TMEM156: variants seen among roughly 807,000 people sequenced by gnomAD.
The protein encoded by TMEM156 is transmembrane protein 156.
In TMEM156, 28 loss-of-function variants were observed where a neutral mutation model predicts 30.5. That is an observed-to-expected ratio of 0.92 (90% CI 0.68 to 1.26). The LOEUF (loss-of-function observed/expected upper bound fraction) is 1.26. TMEM156 is among the 50% of genes most tolerant of loss of function. The probability of loss-of-function intolerance (pLI) is 0.00; values close to 1 mark genes in which losing one functional copy is unlikely to be tolerated. For missense variants in TMEM156, 351 were observed against 340.6 expected, an observed-to-expected ratio of 1.03 and a Z score of -0.24; for synonymous variants, 137 against 119.9, an observed-to-expected ratio of 1.14 and a Z score of -0.93.
At chr4:38,988,782 G>C in intron 4 of TMEM156, 69 bp downstream of exon 4, 1 of 1,588,928 alleles carries the variant, frequency 6.3e-7, no homozygotes, top group Non-Finnish European at 8.6e-7. Context: ...ATGCTAAATT[G>C]TACTAAAAAG....
At chr4:38,985,908 G>A (rs112850929) in intron 5 of TMEM156, among the ~76,000 whole-genome samples, 16 of 152,256 alleles carry the variant, frequency 1.1e-4, no homozygotes, top group African/African-American at 3.6e-4. Context: ...AGGACAGGGG[G>A]CTTTTTAATT....
At chr4:38,975,424 C>A (rs1012089123) in intron 5 of TMEM156, among the ~76,000 whole-genome samples, 4 of 149,572 alleles carry the variant, frequency 2.7e-5, no homozygotes, top group Non-Finnish European at 5.9e-5. Flanking sequence ...GCTTTTTCAC[C>A]CAAGCTGGAG....
intron 5 of TMEM156, among the ~76,000 whole-genome samples, chr4:38,977,319 C>G (rs898563817): frequency 1.3e-5 from 2 of 152,172 alleles, no homozygotes; most frequent in African/African-American, 4.8e-5. Context: ...GCTGGTTTGG[C>G]TGGTGTTTGC....
intron 1 of TMEM156, among the ~76,000 whole-genome samples, chr4:39,031,888 AAAT>A (rs1444966993): frequency 3.0e-5 from 2 of 67,086 alleles, no homozygotes; most frequent in Non-Finnish European, 5.7e-5. Flanking sequence ...CAAAAAAAAA[AAAT>A]AAAAAATAAA....
rs115395272 is a variant in TMEM156 at position 39,005,551 on chromosome 4, G to T, written c.89-6642C>A. The stretch of plus-strand genomic sequence containing the variant: ...TTTATAAATTACCCAGTCTCGGATA[G>T]TATCTTTATAGCAGTGTGAAAACAG... On this transcript the variant is annotated intron_variant, in intron 1 of 6. Transcript: ENST00000381938. Among the ~76,000 whole-genome samples the T allele has an allele frequency of 7.4e-3, 1,101 of 149,514 alleles. 24 individuals are homozygous for T. The highest frequency in any genetic ancestry group is 0.025 in the African/African-American group (1,031 of 41,256).
intron 5 of TMEM156, among the ~76,000 whole-genome samples, chr4:38,974,059 G>A (rs1308941241): frequency 1.7e-4 from 2 of 11,496 alleles, no homozygotes; most frequent in Non-Finnish European, 2.7e-4. Context: ...GAAGGAGTGC[G>A]TGTGTGTGTG....
intron 1 of TMEM156, among the ~76,000 whole-genome samples, chr4:39,020,620 C>T (rs1031984010): frequency 4.6e-5 from 7 of 151,990 alleles, no homozygotes; most frequent in African/African-American, 7.3e-5. Context: ...GGCATGATCT[C>T]GGCTCACTGC....
intron 5 of TMEM156, among the ~76,000 whole-genome samples, chr4:38,972,319 T>A (rs1454340362): frequency 2.9e-5 from 4 of 136,762 alleles, no homozygotes; most frequent in African/African-American, 1.1e-4. Flanking sequence ...AATGGTGCGA[T>A]CTCAGCTCAC....
intron 5 of TMEM156, among the ~76,000 whole-genome samples, chr4:38,985,806 A>G (rs1711939504): frequency 6.6e-6 from 1 of 152,240 alleles, no homozygotes; most frequent in Non-Finnish European, 1.5e-5. Flanking sequence ...CTTCACAATT[A>G]GAAGAAAGGG....
chr4:38,990,292 G>T (rs1048506916), intron 3 of TMEM156, among the ~76,000 whole-genome samples: 4 of 152,202 alleles, frequency 2.6e-5, no homozygotes, highest in African/African-American at 9.6e-5. Context: ...TTCATTTAGA[G>T]AGGTGGCTAA....
At chr4:38,994,495 G>A (rs1318096934) in intron 2 of TMEM156, among the ~76,000 whole-genome samples, 9 of 152,172 alleles carry the variant, frequency 5.9e-5, no homozygotes. Context: ...TGTTGGAATA[G>A]GATTGGAGCA....
intron 1 of TMEM156, among the ~76,000 whole-genome samples, chr4:39,003,187 CTGG>C (rs1386821200): frequency 2.0e-5 from 3 of 151,814 alleles, no homozygotes; most frequent in Admixed American, 1.3e-4. Context: ...TGTTGAATCA[CTGG>C]TGATTTTTGT....
chr4:38,993,630 G>T, intron 3 of TMEM156, 108 bp downstream of exon 3: 2 of 879,948 alleles, frequency 2.3e-6, no homozygotes, highest in Non-Finnish European at 3.5e-6. Context: ...TATTTCATCA[G>T]TAAAATTCTT....
intron 5 of TMEM156, among the ~76,000 whole-genome samples, chr4:38,975,617 G>C (rs34008902): frequency 0.25 from 37,659 of 151,598 alleles, 4,769 homozygotes; most frequent in East Asian, 0.32. Flanking sequence ...TTCTGATCTC[G>C]AGGCCTACCT....
chr4:39,017,517 C>A (rs1714581985), intron 1 of TMEM156, among the ~76,000 whole-genome samples: 1 of 151,952 alleles, frequency 6.6e-6, no homozygotes, highest in Non-Finnish European at 1.5e-5. Flanking sequence ...AATATGTGTT[C>A]CAGATGTTGA....
chr4:38,995,764 G>A (rs1026897097), intron 2 of TMEM156, among the ~76,000 whole-genome samples: 2 of 152,162 alleles, frequency 1.3e-5, no homozygotes, highest in African/African-American at 2.4e-5. Context: ...AATCTGGGAA[G>A]GTTTGTGATT....
chr4:38,973,675 T>C (rs1408414404), intron 5 of TMEM156, among the ~76,000 whole-genome samples: 5 of 152,170 alleles, frequency 3.3e-5, no homozygotes, highest in African/African-American at 1.2e-4. Context: ...GTTTTGAAAC[T>C]TCGTATTTCT....
chr4:39,016,385 AG>A (rs368366509), intron 1 of TMEM156, among the ~76,000 whole-genome samples: 3,750 of 123,314 alleles, frequency 0.03, 158 homozygotes, highest in African/African-American at 0.096. Flanking sequence ...AAAAAAAAAA[AG>A]AAGAAGAAAG....
intron 1 of TMEM156, among the ~76,000 whole-genome samples, chr4:39,015,624 T>C (rs973190826): frequency 3.7e-4 from 56 of 152,198 alleles, no homozygotes; most frequent in African/African-American, 1.3e-3. Flanking sequence ...AGACAATACA[T>C]TTGTGTCATT....
Sources: gnomAD v4.1 joint callset for allele counts (sites outside exome capture counted in the v4.1 genomes callset) on GRCh38, gnomAD v4.1.1 for gene constraint, MANE v1.5 for transcripts, NCBI Gene and HGNC (gene_info 2026-07-23, HGNC 2026-07-21) for gene names.